Variants in PCM1 observed in about 807,000 individuals in gnomAD.
PCM1 encodes the protein pericentriolar material 1.
PCM1 carries 157 observed loss-of-function variants against 241.9 expected under a neutral mutation model. The observed-to-expected ratio is 0.65, with a 90% CI of 0.57 to 0.74. The LOEUF (loss-of-function observed/expected upper bound fraction) is 0.74, where lower values mean the gene tolerates loss of function less well. Among genes scored for constraint, PCM1 ranks in the 30% least tolerant of loss-of-function variants. PCM1 has a pLI of 0.00. For synonymous variants in PCM1, 1,085 were observed against 784.9 expected (o/e 1.38, Z -6.39); for missense variants, 3,478 against 2,360.1 (o/e 1.47, Z -9.81).
intron 36 of PCM1, among the ~76,000 whole-genome samples, chr8:18,024,256 C>T (rs958589163): frequency 2.6e-5 from 4 of 152,154 alleles, no homozygotes; most frequent in Non-Finnish European, 5.9e-5. Context: ...GTCCTAGCTA[C>T]TCAGGAGGCT....
At chr8:17,975,659 G>A (rs1415896180) in intron 23 of PCM1, among the ~76,000 whole-genome samples, 2 of 152,140 alleles carry the variant, frequency 1.3e-5, no homozygotes, top group African/African-American at 2.4e-5. Flanking sequence ...GGTACAGCCA[G>A]TTATACTGTC....
At chr8:17,980,234 G>T (rs2129475113) in intron 23 of PCM1, 1 of 163,666 alleles carries the variant, frequency 6.1e-6, no homozygotes, top group East Asian at 1.7e-4. Context: ...CTCTATAATG[G>T]ATATTTGTAT....
Position 17,972,318 on chromosome 8 carries a change from T to C in PCM1, c.3585-11T>C. ...GTTGTTAACTTATAAAAACTTGTTT[T>C]CATTGGTAAGGAATAAAAAACTGCC... On this transcript the variant is annotated splice_polypyrimidine_tract_variant and intron_variant, in intron 22 of 38. Transcript: ENST00000325083. The C allele has an allele frequency of 4.2e-6, 6 of 1,444,162 alleles. No individual in the cohort carries two copies. The Middle Eastern group carries it at 1.1e-3, about 266-fold the overall frequency. 89.5% of individuals were successfully genotyped at this position (1,444,162 alleles called of 1,614,324 possible).
At chr8:17,929,759 A>G (rs1306902203) in intron 2 of PCM1, among the ~76,000 whole-genome samples, 1 of 152,184 alleles carries the variant, frequency 6.6e-6, no homozygotes, top group African/African-American at 2.4e-5. Context: ...TGTGGGTAGT[A>G]CCAAACTCTA....
chr8:17,986,032 G>C lies in PCM1; in HGVS notation c.4355G>C (p.Trp1452Ser). Residue 1452 changes from tryptophan to serine, a missense_variant, in exon 26 of 39, where the codon TGG becomes TCG. Coordinates refer to ENST00000325083, the MANE Select transcript of PCM1 (RefSeq NM_006197.4). ...GTAAAGTCAGTAAACTCTGGTACTT[G>C]GATAGCATCAAACTCAGAACTTACT... Reference protein sequence around the residue: ...ENVKSVNSGTWIASNSELTPS... With the variant: ...ENVKSVNSGTSIASNSELTPS... The C allele has an allele frequency of 6.2e-7, 1 of 1,601,438 alleles. No individual in the cohort carries two copies. The highest frequency in any genetic ancestry group is 8.5e-7 in the Non-Finnish European group (1 of 1,171,242).
intron 36 of PCM1, among the ~76,000 whole-genome samples, chr8:18,017,853 C>CAA (rs371622006): frequency 7.0e-6 from 1 of 141,888 alleles, no homozygotes; most frequent in Non-Finnish European, 1.6e-5. Context: ...AACTCCATCT[C>CAA]AAAAAAAAAA....
Position 17,993,977 on chromosome 8 carries a change from A to C in PCM1, c.4827+358A>C, listed in dbSNP as rs571522099. Reference sequence around the variant, plus strand: ...AGTTTGATACAGGCATGCAATATGTAATAATCACATCATGGTAAATGGGGT... The same window carrying C: ...AGTTTGATACAGGCATGCAATATGTCATAATCACATCATGGTAAATGGGGT... On this transcript the variant is annotated intron_variant, in intron 29 of 38. Transcript: ENST00000325083. Among the ~76,000 whole-genome samples, 35 of 152,284 alleles carry C rather than the reference A, an allele frequency of 2.3e-4. No individual in the cohort carries two copies. In the South Asian group the frequency reaches 6.4e-3, roughly 28 times the overall value.
At chr8:17,960,577 T>A (rs1263563899) in intron 15 of PCM1, 133 bp downstream of exon 15, 1 of 586,684 alleles carries the variant, frequency 1.7e-6, no homozygotes, top group Non-Finnish European at 2.7e-6. Flanking sequence ...CAGGCTGAAG[T>A]GCAGTGGCGT....
rs551723663 is a variant in PCM1, at chr8:17,988,595, T to C, written c.4411-1264T>C. The stretch of plus-strand genomic sequence containing the variant: ...TTCTGCTTTTCAAAAGATACTGTTA[T>C]GGGAAAATAATCCCAGTATATATAT... On this transcript the variant is annotated intron_variant, in intron 26 of 38. Transcript: ENST00000325083. Among the ~76,000 whole-genome samples the C allele has an allele frequency of 4.2e-4, 64 of 152,006 alleles. 1 individual carries two copies. The highest frequency in any genetic ancestry group is 3.7e-3 in the South Asian group (18 of 4,830).
intron 8 of PCM1, among the ~76,000 whole-genome samples, chr8:17,951,471 T>C (rs2065983480): frequency 6.6e-6 from 1 of 152,212 alleles, no homozygotes; most frequent in Non-Finnish European, 1.5e-5. Context: ...AGAATATTCA[T>C]GGCAACTCTG....
chr8:17,958,526 C>T (rs895449888), intron 13 of PCM1, among the ~76,000 whole-genome samples: 1 of 151,934 alleles, frequency 6.6e-6, no homozygotes, highest in Non-Finnish European at 1.5e-5. Flanking sequence ...ATGTAATTAA[C>T]TATAATTGTA....
intron 30 of PCM1, among the ~76,000 whole-genome samples, chr8:18,008,167 G>C (rs1488265442): frequency 1.3e-5 from 2 of 152,096 alleles, no homozygotes; most frequent in Admixed American, 6.6e-5. Context: ...AGCTTCATCT[G>C]TATTTACAGT....
At chr8:17,928,942 T>A (rs1325868906) in intron 2 of PCM1, among the ~76,000 whole-genome samples, 1 of 152,130 alleles carries the variant, frequency 6.6e-6, no homozygotes, top group Non-Finnish European at 1.5e-5. Context: ...AGTATCTCCC[T>A]CCTTACCAAC....
intron 7 of PCM1, 38 bp downstream of exon 7, chr8:17,947,401 G>C (rs1441287777): frequency 2.1e-6 from 3 of 1,404,694 alleles, no homozygotes; most frequent in Non-Finnish European, 2.9e-6. Flanking sequence ...TTGTAAGGAA[G>C]ACTCATACAT....
At chr8:17,994,302 G>C (rs1057201135) in intron 29 of PCM1, among the ~76,000 whole-genome samples, 4 of 152,122 alleles carry the variant, frequency 2.6e-5, no homozygotes, top group Non-Finnish European at 5.9e-5. Context: ...TTCTGTGCCT[G>C]GCTAACTTCA....
At chr8:17,967,823 T>C (rs1339724745) in intron 21 of PCM1, among the ~76,000 whole-genome samples, 1 of 152,132 alleles carries the variant, frequency 6.6e-6, no homozygotes, top group Non-Finnish European at 1.5e-5. Flanking sequence ...GGGATGCTAA[T>C]AGACTAAAGG....
intron 15 of PCM1, among the ~76,000 whole-genome samples, chr8:17,961,513 G>A (rs1040259250): frequency 9.2e-5 from 14 of 151,868 alleles, no homozygotes; most frequent in African/African-American, 1.9e-4. Flanking sequence ...GGGTTTCACC[G>A]TGTTAGCCAA....
intron 9 of PCM1, among the ~76,000 whole-genome samples, chr8:17,954,556 C>T (rs1431990084): frequency 6.6e-6 from 1 of 151,908 alleles, no homozygotes; most frequent in Non-Finnish European, 1.5e-5. Context: ...TATTTTTTTC[C>T]TCACTGGGAA....
chr8:18,025,717 T>A (rs958955001), intron 38 of PCM1, 59 bp downstream of exon 38: 2 of 947,194 alleles, frequency 2.1e-6, no homozygotes, highest in African/African-American at 1.7e-5. Flanking sequence ...TTCATACTAC[T>A]ATTGTGTTTT....
Sources: allele counts gnomAD v4.1 joint callset (sites outside exome capture counted in the v4.1 genomes callset), GRCh38; gene constraint gnomAD v4.1.1; transcripts MANE v1.5; gene names NCBI Gene and HGNC (gene_info 2026-07-23, HGNC 2026-07-21).